Variants in RMDN2 observed in about 807,000 individuals in gnomAD.
RMDN2 encodes the protein regulator of microtubule dynamics protein 2.
RMDN2 carries 61 observed loss-of-function variants against 52.8 expected under a neutral mutation model. The ratio of observed to expected loss-of-function variants is 1.16; its 90% CI spans 0.94 to 1.43. RMDN2 has a LOEUF of 1.43. RMDN2 is among the 40% of genes most tolerant of loss of function. The probability of loss-of-function intolerance (pLI) is 0.00; values close to 1 mark genes in which losing one functional copy is unlikely to be tolerated. For missense variants in RMDN2, 592 were observed against 475.3 expected, an observed-to-expected ratio of 1.25 and a Z score of -2.28; for synonymous variants, 180 against 153.1, an observed-to-expected ratio of 1.18 and a Z score of -1.30.
At chr2:38,020,085 C>T (rs1205620828), downstream of RMDN2, among the ~76,000 whole-genome samples, 1 of 151,996 alleles carries the variant, frequency 6.6e-6, no homozygotes, top group Non-Finnish European at 1.5e-5. Context: ...TTTTTGGCAC[C>T]AGGGGCCAGT....
chr2:38,054,352 G>C (rs1383267251), intron 10 of RMDN2, among the ~76,000 whole-genome samples: 1 of 152,236 alleles, frequency 6.6e-6, no homozygotes, highest in Non-Finnish European at 1.5e-5. Context: ...TTTACTGTTA[G>C]ATTAGGCAAC....
chr2:37,962,368 C>T (rs375251645), intron 2 of RMDN2, among the ~76,000 whole-genome samples: 166 of 152,316 alleles, frequency 1.1e-3, no homozygotes, highest in African/African-American at 3.8e-3. Context: ...GTGCTGCTGC[C>T]TTTCTTTCAG....
intron 10 of RMDN2, among the ~76,000 whole-genome samples, chr2:38,023,321 A>G (rs1679534496): frequency 6.6e-6 from 1 of 152,232 alleles, no homozygotes; most frequent in African/African-American, 2.4e-5. Flanking sequence ...AGAAGGTAAA[A>G]AAGGAAACAA....
At chr2:38,028,075 T>C (rs1191269751) in intron 10 of RMDN2, 1 of 152,246 alleles carries the variant, frequency 6.6e-6, no homozygotes, top group Non-Finnish European at 1.5e-5. Context: ...CAGAGCTCAA[T>C]GTACTTTGCA....
chr2:37,987,299 TCAA>T (rs1239693032), intron 5 of RMDN2, among the ~76,000 whole-genome samples: 4 of 152,082 alleles, frequency 2.6e-5, no homozygotes, highest in African/African-American at 9.7e-5. Flanking sequence ...TAACAAATAT[TCAA>T]CAGGCGAATG....
chr2:37,924,213 G>T (rs1189299284), upstream of RMDN2, among the ~76,000 whole-genome samples: 1 of 152,178 alleles, frequency 6.6e-6, no homozygotes, highest in African/African-American at 2.4e-5. Flanking sequence ...ATTCTTCATG[G>T]CTTTATGGGT....
chr2:37,975,527 G>A (rs543868114), intron 4 of RMDN2, among the ~76,000 whole-genome samples: 1 of 152,252 alleles, frequency 6.6e-6, no homozygotes, highest in Admixed American at 6.5e-5. Context: ...TGGACACAGG[G>A]AGGGGAACAT....
chr2:38,003,499 G>A (rs565947948), intron 8 of RMDN2, among the ~76,000 whole-genome samples: 1 of 152,094 alleles, frequency 6.6e-6, no homozygotes, highest in South Asian at 2.1e-4. Context: ...GTTGCAGTGA[G>A]CTGAGATCGC....
intron 2 of RMDN2, among the ~76,000 whole-genome samples, chr2:37,967,718 T>C (rs1671250703): frequency 1.3e-5 from 2 of 152,244 alleles, no homozygotes; most frequent in Admixed American, 6.5e-5. Flanking sequence ...AGGGCAATTT[T>C]GCAAGAGTTT....
At chr2:37,981,425 A>T in intron 5 of RMDN2, 82 bp downstream of exon 5, 1 of 872,422 alleles carries the variant, frequency 1.1e-6, no homozygotes, top group Non-Finnish European at 1.9e-6. Flanking sequence ...AATACTATTG[A>T]CTCATACGTT....
chr2:37,954,913 C>G (rs1332085763), intron 2 of RMDN2, among the ~76,000 whole-genome samples: 1 of 152,038 alleles, frequency 6.6e-6, no homozygotes, highest in Admixed American at 6.6e-5. Flanking sequence ...TTTTTCATCT[C>G]CTTAGTTAAG....
chr2:37,968,415 G>A (rs1188193782), intron 2 of RMDN2, among the ~76,000 whole-genome samples: 2 of 144,676 alleles, frequency 1.4e-5, no homozygotes, highest in African/African-American at 5.1e-5. Context: ...CTCCAGCCTG[G>A]GTGACAGAGC....
At position 37,972,501 on chromosome 2, in the gene RMDN2, G is replaced by A. The variant is rs983336327; in HGVS notation, c.453-1539G>A. ...AAGATAAGACCAGAGGTATTGGCCA[G>A]ATTATGTTAGGCCTTGTAGACCCCT... On this transcript the variant is annotated intron_variant, in intron 2 of 10. Transcript: ENST00000354545. 3.3e-5 allele frequency among the ~76,000 whole-genome samples: 5 copies of A among 152,174 alleles called. No homozygotes were observed. The East Asian group carries it at 9.6e-4, about 29-fold the overall frequency.
chr2:38,012,074 A>G (rs7591982), intron 10 of RMDN2, among the ~76,000 whole-genome samples: 35 of 152,014 alleles, frequency 2.3e-4, no homozygotes, highest in African/African-American at 7.0e-4. Context: ...GCTCCTACCA[A>G]TCTCTCAAGC....
At chr2:37,948,621 G>A (rs1031358962) in intron 2 of RMDN2, among the ~76,000 whole-genome samples, 2 of 151,408 alleles carry the variant, frequency 1.3e-5, no homozygotes, top group Admixed American at 1.3e-4. Flanking sequence ...AAGCCAAAAG[G>A]AGGCAATTTG....
chr2:37,947,808 G>T (rs1572742802), intron 2 of RMDN2, among the ~76,000 whole-genome samples: 1 of 152,158 alleles, frequency 6.6e-6, no homozygotes, highest in Admixed American at 6.5e-5. Context: ...GTCAATTCAA[G>T]TTAACTCAGT....
At chr2:37,922,328 G>C (rs1362770152), upstream of RMDN2, among the ~76,000 whole-genome samples, 1 of 151,008 alleles carries the variant, frequency 6.6e-6, no homozygotes, top group Non-Finnish European at 1.5e-5. Flanking sequence ...AAAATGAATA[G>C]TTAACTATAT....
chr2:37,941,603 G>C (rs1667792718), intron 2 of RMDN2, among the ~76,000 whole-genome samples: 1 of 152,230 alleles, frequency 6.6e-6, no homozygotes, highest in Admixed American at 6.5e-5. Flanking sequence ...CAGAGAGGAG[G>C]AATCTAGAGA....
downstream of RMDN2, among the ~76,000 whole-genome samples, chr2:38,022,150 C>G (rs1387241749): frequency 6.6e-6 from 1 of 152,126 alleles, no homozygotes; most frequent in Non-Finnish European, 1.5e-5. Context: ...ATAAAAGGTA[C>G]TGTGTAGATA....
Sources: gnomAD v4.1 joint callset for allele counts (sites outside exome capture counted in the v4.1 genomes callset) on GRCh38, gnomAD v4.1.1 for gene constraint, MANE v1.5 for transcripts, NCBI Gene and HGNC (gene_info 2026-07-23, HGNC 2026-07-21) for gene names.